Variants in GLIS3 observed in about 807,000 individuals in gnomAD.
GLIS3 encodes GLIS family zinc finger 3, also known as zinc finger protein GLIS3.
A neutral mutation model predicts 78.6 loss-of-function variants in GLIS3; 53 were observed. The observed-to-expected ratio is 0.67, with a 90% confidence interval of 0.54 to 0.85. The LOEUF (loss-of-function observed/expected upper bound fraction) is 0.85. Among genes scored for constraint, GLIS3 ranks in the 40% least tolerant of loss-of-function variants. The pLI is 0.00. For synonymous variants in GLIS3, 684 were observed against 509.9 expected (o/e 1.34, Z -4.60); for missense variants, 1,703 against 1,231.1 (o/e 1.38, Z -5.74).
At chr9:4,051,748 C>T (rs974391764) in intron 4 of GLIS3, among the ~76,000 whole-genome samples, 1 of 152,144 alleles carries the variant, frequency 6.6e-6, no homozygotes, top group African/African-American at 2.4e-5. Context: ...GTATTTTCAC[C>T]AATTTCTCCC....
chr9:3,836,272 A>G (rs1459897501), intron 9 of GLIS3, among the ~76,000 whole-genome samples: 1 of 152,220 alleles, frequency 6.6e-6, no homozygotes, highest in Non-Finnish European at 1.5e-5. Flanking sequence ...TCTTGGTCGT[A>G]TGGCTGTTTG....
At position 3,829,352 on chromosome 9, in the gene GLIS3, C is replaced by G. The variant is rs760138568; in HGVS notation, c.2614G>C (p.Asp872His). 5 of 1,613,966 alleles carry G rather than the reference C, an allele frequency of 3.1e-6. No individual in the cohort carries two copies. The highest frequency in any genetic ancestry group is 3.4e-6 in the Non-Finnish European group (4 of 1,180,010). Reference protein sequence around the residue: ...VPTSMGQASFDVFHRAFSTHS... With the variant: ...VPTSMGQASFHVFHRAFSTHS... ...GTCGAGAAGGCTCTGTGGAAAACAT[C>G]AAAACTGGCCTGGCCCATGGATGTA... Residue 872 changes from aspartate to histidine, a missense_variant, in exon 10 of 11, where the codon GAT (aspartate) becomes CAT (histidine). Asp to His is a moderately conservative substitution (Grantham distance 81, BLOSUM62 -1). Coordinates refer to ENST00000381971, the MANE Select transcript of GLIS3 (RefSeq NM_001042413.2).
chr9:4,353,799 G>A, the GLIS3 span, among the ~76,000 whole-genome samples: 1 of 152,000 alleles, frequency 6.6e-6, no homozygotes, highest in Non-Finnish European at 1.5e-5. Context: ...AACTTAATTC[G>A]GTGCCTGTAG....
At chr9:4,238,655 C>A (rs1222426029) in intron 2 of GLIS3, among the ~76,000 whole-genome samples, 1 of 152,156 alleles carries the variant, frequency 6.6e-6, no homozygotes, top group Non-Finnish European at 1.5e-5. Flanking sequence ...CAAAACAAAA[C>A]AAAATTTACT....
chr9:4,387,102 T>C, the GLIS3 span, among the ~76,000 whole-genome samples: 1 of 152,196 alleles, frequency 6.6e-6, no homozygotes, highest in African/African-American at 2.4e-5. Context: ...AAAGATTTAA[T>C]GGCAACTTCA....
At chr9:4,117,599 T>C (rs542931527) in intron 4 of GLIS3, among the ~76,000 whole-genome samples, 169 bp downstream of exon 4, 1 of 152,112 alleles carries the variant, frequency 6.6e-6, no homozygotes, top group Non-Finnish European at 1.5e-5. Flanking sequence ...GGAGAGCCAC[T>C]AACCATGAAA....
At chr9:4,149,526 C>T (rs753269478) in intron 2 of GLIS3, among the ~76,000 whole-genome samples, 1 of 152,210 alleles carries the variant, frequency 6.6e-6, no homozygotes, top group African/African-American at 2.4e-5. Flanking sequence ...AGCCTCCAAC[C>T]TCTTGGTTTC....
upstream of GLIS3, among the ~76,000 whole-genome samples, chr9:4,350,477 AT>A (rs1817954566): frequency 1.3e-5 from 2 of 152,186 alleles, no homozygotes; most frequent in Non-Finnish European, 2.9e-5. Context: ...CATTTTCACT[AT>A]TCACCTGTGC....
intron 7 of GLIS3, among the ~76,000 whole-genome samples, chr9:3,880,563 C>T (rs374148941): frequency 1.3e-5 from 2 of 152,110 alleles, no homozygotes; most frequent in African/African-American, 4.8e-5. Context: ...TTTGAACTTA[C>T]TCTACTAATA....
chr9:4,359,912 A>C, the GLIS3 span, among the ~76,000 whole-genome samples: 2 of 151,948 alleles, frequency 1.3e-5, no homozygotes, highest in Admixed American at 1.3e-4. Context: ...TAACATATAA[A>C]TGTATTTTCT....
chr9:4,401,433 A>AT, the GLIS3 span, among the ~76,000 whole-genome samples: 2,729 of 142,772 alleles, frequency 0.019, 77 homozygotes, highest in African/African-American at 0.062. Flanking sequence ...CTAATTTTGT[A>AT]TTTTTTTTTT....
chr9:4,233,486 G>A (rs1822453244), intron 2 of GLIS3, among the ~76,000 whole-genome samples: 1 of 152,140 alleles, frequency 6.6e-6, no homozygotes, highest in Non-Finnish European at 1.5e-5. Flanking sequence ...ATATTTTGAA[G>A]GAAATCTTTC....
chr9:3,931,876 G>T (rs1426029883), intron 6 of GLIS3, among the ~76,000 whole-genome samples: 3 of 152,148 alleles, frequency 2.0e-5, no homozygotes, highest in Non-Finnish European at 4.4e-5. Flanking sequence ...TAAGCTTAAA[G>T]AATGCTCTCT....
chr9:4,212,249 TC>T (rs1820440770), intron 2 of GLIS3, among the ~76,000 whole-genome samples: 1 of 152,338 alleles, frequency 6.6e-6, no homozygotes, highest in African/African-American at 2.4e-5. Flanking sequence ...CATCTCTTTT[TC>T]CCCAATGGCT....
At chr9:3,898,646 C>G in intron 7 of GLIS3, 45 bp downstream of exon 7, 1 of 1,613,296 alleles carries the variant, frequency 6.2e-7, no homozygotes, top group Non-Finnish European at 8.5e-7. Context: ...AGTAAAAGGC[C>G]TAAAAAAGGG....
At chr9:3,904,070 TTGTC>T (rs1823501214) in intron 6 of GLIS3, among the ~76,000 whole-genome samples, 1 of 152,310 alleles carries the variant, frequency 6.6e-6, no homozygotes, top group East Asian at 1.9e-4. Context: ...CATAGGCACT[TTGTC>T]TCCCCTTCTT....
rs987476942 is a variant in GLIS3, at chr9:3,827,376, T to C, written c.*896A>G. ...TGGGTAAACCAGTCAAACAACATTT[T>C]TCTTTGAACACAGTCTTTGAGGTGG... is the stretch of plus-strand genomic sequence containing the variant. On this transcript the variant is annotated 3_prime_UTR_variant, in exon 11 of 11. Transcript: ENST00000381971. The C allele has an allele frequency of 6.6e-5, 10 of 152,240 alleles. No homozygotes were observed. The highest frequency in any genetic ancestry group is 2.4e-4 in the African/African-American group (10 of 41,458). 9.4% of individuals were successfully genotyped at this position (152,240 alleles called of 1,614,324 possible). A position where few individuals can be genotyped will look rare whatever the true frequency, so the allele number is the denominator to read the frequency against.
intron 3 of GLIS3, chr9:4,123,775 C>A: frequency 2.5e-6 from 1 of 398,144 alleles, no homozygotes; most frequent in South Asian, 1.3e-4. Flanking sequence ...CACCCATGGT[C>A]GTCTCTGGGG....
intron 2 of GLIS3, among the ~76,000 whole-genome samples, chr9:4,199,812 A>C (rs894574674): frequency 6.6e-6 from 1 of 152,204 alleles, no homozygotes; most frequent in African/African-American, 2.4e-5. Context: ...AATTGGACCT[A>C]ATAGATATGT....
Sources: allele counts gnomAD v4.1 joint callset (sites outside exome capture counted in the v4.1 genomes callset), GRCh38; gene constraint gnomAD v4.1.1; transcripts MANE v1.5; gene names NCBI Gene and HGNC (gene_info 2026-07-23, HGNC 2026-07-21).